The following SH3TC1 variants were observed in gnomAD, a reference collection of about 807,000 sequenced individuals.
The protein encoded by SH3TC1 is SH3 domain and tetratricopeptide repeats 1.
In SH3TC1, 135 loss-of-function variants were observed where a neutral mutation model predicts 117.3. The observed-to-expected ratio is 1.15, with a 90% CI of 1.00 to 1.33. The LOEUF (loss-of-function observed/expected upper bound fraction) is 1.33. Ranked by LOEUF, SH3TC1 falls within the 40% of genes most tolerant of loss-of-function variation. The pLI is 0.00. For synonymous variants in SH3TC1, 898 were observed against 816.9 expected (o/e 1.10, Z -1.69); for missense variants, 2,092 against 1,794.3 (o/e 1.17, Z -3.00).
intron 12 of SH3TC1, 138 bp from the exon 13 acceptor site, chr4:8,231,838 T>G: frequency 1.1e-6 from 1 of 930,610 alleles, no homozygotes; most frequent in Non-Finnish European, 1.6e-6. Flanking sequence ...TGTCACGGTG[T>G]GCTCAGCGGT....
intron 17 of SH3TC1, among the ~76,000 whole-genome samples, chr4:8,239,599 TGCACACACACAG>T (rs1334084881): frequency 6.6e-6 from 1 of 151,374 alleles, no homozygotes; most frequent in African/African-American, 2.4e-5. Context: ...CACAGGCACG[TGCACACACACAG>T]GCATACACGG....
intron 12 of SH3TC1, among the ~76,000 whole-genome samples, chr4:8,229,503 GTGTGAGC>G (rs1720926249): frequency 7.7e-6 from 1 of 129,984 alleles, no homozygotes; most frequent in African/African-American, 2.9e-5. Flanking sequence ...GTGAGCGGGG[GTGTGAGC>G]GGGTGAGCGG....
rs114938657 is a variant in SH3TC1, at chr4:8,229,844, G to T, written c.2950+1200G>T. ...CAATAGCCTGTGGCACCTCCTACGA[G>T]GCCCTCCCCGGGGTGCTGGGGGATT... On this transcript the variant is annotated intron_variant, in intron 12 of 17. Coordinates refer to ENST00000245105, the MANE Select transcript of SH3TC1 (RefSeq NM_018986.5). Among the ~76,000 whole-genome samples, 853 of 152,234 alleles carry T rather than the reference G, an allele frequency of 5.6e-3. 12 individuals are homozygous for T. Among genetic ancestry groups the T allele is most frequent in the African/African-American group, 0.02 (811 of 41,518 alleles).
chr4:8,222,715 C>G, intron 9 of SH3TC1, 125 bp from the exon 10 acceptor site: 1 of 1,216,126 alleles, frequency 8.2e-7, no homozygotes, highest in Non-Finnish European at 1.1e-6. Context: ...TCTGTCTCTA[C>G]CCCTGGGCAG....
intron 1 of SH3TC1, among the ~76,000 whole-genome samples, chr4:8,184,480 A>C (rs1468487210): frequency 6.6e-6 from 1 of 152,208 alleles, no homozygotes; most frequent in East Asian, 1.9e-4. Flanking sequence ...CCCTGGCTCA[A>C]ATAATCCTCC....
intron 1 of SH3TC1, among the ~76,000 whole-genome samples, chr4:8,187,738 G>C (rs939518240): frequency 1.3e-5 from 2 of 152,068 alleles, no homozygotes; most frequent in African/African-American, 4.8e-5. Flanking sequence ...TTTTAGTAGA[G>C]ACGGGGTTTC....
At position 8,219,549 on chromosome 4, in the gene SH3TC1, GC is replaced by G; in HGVS notation, c.1112+23del. On this transcript the variant is annotated intron_variant, in intron 9 of 17. Transcript: ENST00000245105. ...TGTCCGAGTGAGTGGCTGGAGCCCC[GC>G]CCCTTTCCTGAACCCACCCCCATCT... 1 of 1,491,652 alleles carries G rather than the reference GC, an allele frequency of 6.7e-7. No homozygotes were observed. Among genetic ancestry groups the G allele is most frequent in the Non-Finnish European group, 9.0e-7 (1 of 1,113,938 alleles). 92.4% of individuals were successfully genotyped at this position (1,491,652 alleles called of 1,614,324 possible).
chr4:8,222,202 G>A (rs1027301199), intron 9 of SH3TC1, among the ~76,000 whole-genome samples: 1 of 151,870 alleles, frequency 6.6e-6, no homozygotes, highest in Non-Finnish European at 1.5e-5. Context: ...CTGTCACAGG[G>A]GACTTCATAA....
chr4:8,182,364 T>A (rs760736886), intron 1 of SH3TC1, among the ~76,000 whole-genome samples: 2 of 152,204 alleles, frequency 1.3e-5, no homozygotes, highest in East Asian at 3.9e-4. Flanking sequence ...GAAACTCACC[T>A]GGCCAGAAGC....
intron 2 of SH3TC1, among the ~76,000 whole-genome samples, chr4:8,208,946 C>T (rs1205228520): frequency 6.6e-6 from 1 of 152,242 alleles, no homozygotes; most frequent in Non-Finnish European, 1.5e-5. Context: ...TCAGATCCCC[C>T]TGGATCCTGA....
chr4:8,216,881 G>C (rs11733554), intron 6 of SH3TC1, 76 bp from the exon 7 acceptor site: 1 of 1,477,804 alleles, frequency 6.8e-7, no homozygotes. Flanking sequence ...TTGTCTGTCC[G>C]GCAGGGGTGT....
intron 14 of SH3TC1, among the ~76,000 whole-genome samples, chr4:8,235,079 G>A (rs1721682548): frequency 6.6e-6 from 1 of 152,246 alleles, no homozygotes; most frequent in Admixed American, 6.5e-5. Context: ...GTCCTGAGCT[G>A]TGGCAGGGAT....
At chr4:8,233,044 A>C (rs1213724705) in intron 13 of SH3TC1, 8 of 1,231,210 alleles carry the variant, frequency 6.5e-6, no homozygotes, top group Middle Eastern at 3.4e-4. Context: ...CCTGGATAGC[A>C]TCTGAACACT....
rs769312435 is a variant in SH3TC1, at chr4:8,212,779, A to G, written c.326A>G (p.Gln109Arg). The change falls in exon 4 of 18, where the codon CAG becomes CGG. Residue 109 changes from glutamine to arginine, a missense_variant. By Grantham distance (43) the Gln-to-Arg change is conservative (BLOSUM62 1). Transcript: ENST00000245105. Reference protein sequence around the residue: ...DPGLQQTLRGQLRLLENDSRE... With the variant: ...DPGLQQTLRGRLRLLENDSRE... ...GGCCTACAGCAGACCCTCCGGGGCC[A>G]GCTCCGCCTGCTGGAGAATGATAGC... The G allele has an allele frequency of 3.7e-6, 6 of 1,610,354 alleles. No individual in the cohort carries two copies. The Admixed American group carries it at 6.7e-5, about 18-fold the overall frequency.
At chr4:8,240,562 G>A (rs1281918183) in intron 17 of SH3TC1, 136 bp from the exon 18 acceptor site, 1 of 1,393,248 alleles carries the variant, frequency 7.2e-7, no homozygotes. Flanking sequence ...TGAGCCCACA[G>A]CAGTGTCACA....
At position 8,190,209 on chromosome 4, in the gene SH3TC1, C is replaced by A. The variant is rs897214221; in HGVS notation, c.-57+7999C>A. ...CAGGAATCCCCCTTGGAGCCCTCCT[C>A]CCCTCTGCCTGCTGTGACCTCAGCC... On this transcript the variant is annotated intron_variant, in intron 1 of 16. Coordinates refer to the SH3TC1 transcript ENST00000508641. The surrounding 1 kb of genome is among the most constrained non-coding windows in gnomAD (Gnocchi z 4.7). Among the ~76,000 whole-genome samples the A allele has an allele frequency of 2.6e-5, 4 of 152,200 alleles. No homozygotes were observed. Among genetic ancestry groups the A allele is most frequent in the Non-Finnish European group, 4.4e-5 (3 of 68,022 alleles).
At chr4:8,234,251 T>G (rs1578747320) in intron 14 of SH3TC1, among the ~76,000 whole-genome samples, 1 of 148,678 alleles carries the variant, frequency 6.7e-6, no homozygotes, top group East Asian at 2.0e-4. Flanking sequence ...ATCCATCCAT[T>G]CACCTGTTTG....
chr4:8,191,019 G>T (rs1391613438), intron 1 of SH3TC1, among the ~76,000 whole-genome samples: 1 of 152,188 alleles, frequency 6.6e-6, no homozygotes, highest in African/African-American at 2.4e-5. Flanking sequence ...ACTGGCGGGA[G>T]CTGCAGGGCT....
intron 12 of SH3TC1, among the ~76,000 whole-genome samples, chr4:8,230,783 C>CTTT (rs59242411): frequency 4.8e-4 from 64 of 134,150 alleles, no homozygotes; most frequent in African/African-American, 1.3e-3. Context: ...ATATGCTGTG[C>CTTT]TTTTTTTTTT....
Sources: gnomAD v4.1 joint callset for allele counts (sites outside exome capture counted in the v4.1 genomes callset) on GRCh38, gnomAD v4.1.1 for gene constraint, Gnocchi (gnomAD v3.1) non-coding constraint, MANE v1.5 for transcripts, NCBI Gene and HGNC (gene_info 2026-07-23, HGNC 2026-07-21) for gene names.